SEPTIN11: variants seen among roughly 807,000 people sequenced by gnomAD.
SEPTIN11 encodes septin 11.
A neutral mutation model predicts 51.4 loss-of-function variants in SEPTIN11; 25 were observed. The ratio of observed to expected loss-of-function variants is 0.49; its 90% confidence interval spans 0.35 to 0.68. The LOEUF is 0.68. SEPTIN11 is among the 30% of genes least tolerant of loss of function. SEPTIN11 has a pLI of 0.00. For synonymous variants in SEPTIN11, 174 were observed against 184.1 expected (o/e 0.95, Z 0.44); for missense variants, 381 against 520.8 (o/e 0.73, Z 2.61).
Position 77,011,745 on chromosome 4 carries a change from ATAG to A in SEPTIN11, c.353_355del (p.Val118del). 2 of 1,614,030 alleles carry A rather than the reference ATAG, an allele frequency of 1.2e-6. No homozygotes were observed. Among genetic ancestry groups the A allele is most frequent in the Non-Finnish European group, 1.7e-6 (2 of 1,179,882 alleles). On this transcript the variant is annotated inframe_deletion, in exon 4 of 10. Transcript: ENST00000264893. ...GTTTCTGCATTCTAGCTATAAGCCG[ATAG>A]TAGAATATATTGATGCCCAGTTCGA...
chr4:76,999,304 C>A (rs897576453), intron 2 of SEPTIN11, among the ~76,000 whole-genome samples: 1 of 152,138 alleles, frequency 6.6e-6, no homozygotes, highest in Non-Finnish European at 1.5e-5. Context: ...AAAAAACTTA[C>A]TGTCAATCAA....
intron 1 of SEPTIN11, among the ~76,000 whole-genome samples, chr4:76,993,322 A>T (rs1433852033): frequency 6.6e-6 from 1 of 152,152 alleles, no homozygotes; most frequent in Non-Finnish European, 1.5e-5. Context: ...TGTTCCTCTG[A>T]TAGAAATTCA....
chr4:77,004,743 A>G (rs1404021105), intron 2 of SEPTIN11, among the ~76,000 whole-genome samples: 4 of 152,234 alleles, frequency 2.6e-5, no homozygotes, highest in South Asian at 2.1e-4. Flanking sequence ...CAGGTGGACT[A>G]TTTGAGGTCA....
chr4:76,997,842 C>T (rs1226797378), intron 2 of SEPTIN11, among the ~76,000 whole-genome samples: 1 of 152,154 alleles, frequency 6.6e-6, no homozygotes, highest in Non-Finnish European at 1.5e-5. Flanking sequence ...GAAAAGTATG[C>T]TAAATTGTAA....
intron 1 of SEPTIN11, among the ~76,000 whole-genome samples, chr4:76,987,460 C>T (rs116215559): frequency 6.0e-4 from 92 of 152,250 alleles, no homozygotes; most frequent in African/African-American, 2.2e-3. Context: ...GAAAGTTACC[C>T]CAGCAATGCT....
chr4:76,954,943 G>C (rs149765473), intron 1 of SEPTIN11, among the ~76,000 whole-genome samples: 350 of 151,526 alleles, frequency 2.3e-3, no homozygotes, highest in Non-Finnish European at 3.8e-3. Flanking sequence ...AGCTTTGTTT[G>C]TTCTTGTCTG....
At position 77,014,840 on chromosome 4, in the gene SEPTIN11, C is replaced by T. The variant is rs746679749; in HGVS notation, c.526-16C>T. On this transcript the variant is annotated splice_polypyrimidine_tract_variant and intron_variant, in intron 4 of 9. Coordinates refer to ENST00000264893, the MANE Select transcript of SEPTIN11 (RefSeq NM_018243.4). ...TATGTTGGAATTGTGTAAAAATGGA[C>T]GTGTCTGTTTTACAGGTGAACATCA... is the stretch of plus-strand genomic sequence containing the variant. The T allele has an allele frequency of 1.5e-5, 24 of 1,610,946 alleles. No individual in the cohort carries two copies. The highest frequency in any genetic ancestry group is 1.1e-4 in the African/African-American group (8 of 74,740).
In SEPTIN11 at chr4:77,034,881, C is replaced by T; in HGVS notation, c.*369C>T. 6 of 1,006,244 alleles carry T rather than the reference C, an allele frequency of 6.0e-6. No individual in the cohort carries two copies. The highest frequency in any genetic ancestry group is 7.1e-6 in the Non-Finnish European group (6 of 843,818). The allele number at this position is 1,006,244 out of a possible 1,614,324, so 62.3% of individuals were successfully genotyped here. A position where few individuals can be genotyped will look rare whatever the true frequency, so the allele number is the denominator to read the frequency against. The stretch of plus-strand genomic sequence containing the variant: ...TGAAAACTTCTCACCGCCTCAGCAG[C>T]TGAACTAAAAACCTGAATAGCCATG... On this transcript the variant is annotated 3_prime_UTR_variant, in exon 10 of 10. Transcript: ENST00000264893.
Position 77,037,678 on chromosome 4 carries a change from T to G in SEPTIN11, c.*3166T>G, listed in dbSNP as rs534366847. 18 of 985,830 alleles carry G rather than the reference T, an allele frequency of 1.8e-5. No individual in the cohort carries two copies. The highest frequency in any genetic ancestry group is 2.0e-5 in the Non-Finnish European group (17 of 829,936). The allele number at this position is 985,830 out of a possible 1,614,324, so 61.1% of individuals were successfully genotyped here. A position where few individuals can be genotyped will look rare whatever the true frequency, so the allele number is the denominator to read the frequency against. ...TTTGTTCAAACATAATACCATCTTT[T>G]TGCTTCTTCTGAACTTTAGATCTCC... On this transcript the variant is annotated 3_prime_UTR_variant, in exon 10 of 10. Coordinates refer to ENST00000264893, the MANE Select transcript of SEPTIN11 (RefSeq NM_018243.4).
In SEPTIN11 at chr4:77,035,103, G is replaced by A. The variant is rs558486108; in HGVS notation, c.*591G>A. The A allele has an allele frequency of 7.1e-6, 7 of 985,382 alleles. No homozygotes were observed. The highest frequency in any genetic ancestry group is 2.4e-6 in the Non-Finnish European group (2 of 829,936). The allele number at this position is 985,382 out of a possible 1,614,324, so 61.0% of individuals were successfully genotyped here. The stretch of plus-strand genomic sequence containing the variant: ...AACATTATTTGGCCTGAGCTTGTGG[G>A]TCTGTTCAGACTGTCTCCTCTCATG... On this transcript the variant is annotated 3_prime_UTR_variant, in exon 10 of 10. Transcript: ENST00000264893.
In SEPTIN11 at chr4:77,038,576, GAC is replaced by G; in HGVS notation, c.*4066_*4067del. The G allele has an allele frequency of 2.0e-6, 2 of 994,724 alleles. No homozygotes were observed. Among genetic ancestry groups the G allele is most frequent in the Non-Finnish European group, 2.4e-6 (2 of 835,790 alleles). The allele number at this position is 994,724 out of a possible 1,614,324, so 61.6% of individuals were successfully genotyped here. On this transcript the variant is annotated 3_prime_UTR_variant, in exon 10 of 10. Transcript: ENST00000264893. ...TCTATGCATATATCACTAGTGCCAA[GAC>G]ATAAAGCGGGGGAAAATATATTTTT...
rs1727043041 is a variant in SEPTIN11 at position 77,036,643 on chromosome 4, A to G, written c.*2131A>G. 3 of 1,492,416 alleles carry G rather than the reference A, an allele frequency of 2.0e-6. No homozygotes were observed. Among genetic ancestry groups the G allele is most frequent in the Non-Finnish European group, 2.6e-6 (3 of 1,134,120 alleles). 92.4% of individuals were successfully genotyped at this position (1,492,416 alleles called of 1,614,324 possible). Reference sequence around the variant, plus strand: ...GGGAATAAAAAGTCAAAAGAAACAAATAGAAGCTTTTTTTTTTAAAAAATG... The same window carrying G: ...GGGAATAAAAAGTCAAAAGAAACAAGTAGAAGCTTTTTTTTTTAAAAAATG... On this transcript the variant is annotated 3_prime_UTR_variant, in exon 10 of 10. Coordinates refer to ENST00000264893, the MANE Select transcript of SEPTIN11 (RefSeq NM_018243.4).
intron 1 of SEPTIN11, among the ~76,000 whole-genome samples, chr4:76,961,684 A>G (rs546606900): frequency 6.6e-6 from 1 of 152,336 alleles, no homozygotes; most frequent in South Asian, 2.1e-4. Context: ...CAGGTAATTT[A>G]CCAAATACTG....
At chr4:76,958,386 C>G (rs1222635404) in intron 1 of SEPTIN11, among the ~76,000 whole-genome samples, 1 of 152,200 alleles carries the variant, frequency 6.6e-6, no homozygotes, top group Non-Finnish European at 1.5e-5. Context: ...CCAGCCTCAG[C>G]CCTCAGGGGT....
chr4:77,020,380 G>A, intron 6 of SEPTIN11, 122 bp from the exon 7 acceptor site: 1 of 1,170,818 alleles, frequency 8.5e-7, no homozygotes, highest in Non-Finnish European at 1.2e-6. Flanking sequence ...AGGATCTTCA[G>A]ATGGTCTTGA....
At chr4:76,983,603 T>C (rs1722880365) in intron 1 of SEPTIN11, among the ~76,000 whole-genome samples, 1 of 152,172 alleles carries the variant, frequency 6.6e-6, no homozygotes, top group Non-Finnish European at 1.5e-5. Flanking sequence ...GCCACTAAAT[T>C]TGTGATAATT....
intron 9 of SEPTIN11, among the ~76,000 whole-genome samples, chr4:77,033,463 T>C (rs183374667): frequency 6.6e-6 from 1 of 152,362 alleles, no homozygotes; most frequent in East Asian, 1.9e-4. Flanking sequence ...CCTTTTTTAA[T>C]GTAGGTAAGG....
At chr4:77,031,111 AGAT>A in intron 9 of SEPTIN11, 141 bp downstream of exon 9, 1 of 740,820 alleles carries the variant, frequency 1.3e-6, no homozygotes, top group Non-Finnish European at 2.1e-6. Context: ...AGTGCAGGGA[AGAT>A]GATGAAGGTT....
rs1721687556 is a variant in SEPTIN11 at position 76,959,007 on chromosome 4, C to T, written c.27+9077C>T. ...TCCTGACAGTCATCCACATCTACTT[C>T]AAGGAATACCATGTTGGAATACTTT... On this transcript the variant is annotated intron_variant, in intron 1 of 9. Transcript: ENST00000264893. 12 of 769,778 alleles carry T rather than the reference C, an allele frequency of 1.6e-5. 1 individual carries two copies. The highest frequency in any genetic ancestry group is 1.5e-4 in the South Asian group (11 of 74,740). 47.7% of individuals were successfully genotyped at this position (769,778 alleles called of 1,614,324 possible). A position where few individuals can be genotyped will look rare whatever the true frequency, so the allele number is the denominator to read the frequency against.
Sources: gnomAD v4.1 joint callset for allele counts (sites outside exome capture counted in the v4.1 genomes callset) on GRCh38, gnomAD v4.1.1 for gene constraint, MANE v1.5 for transcripts, NCBI Gene and HGNC (gene_info 2026-07-23, HGNC 2026-07-21) for gene names.